The following ATG4C variants were observed in gnomAD, a reference collection of about 807,000 sequenced individuals.
ATG4C encodes the protein cysteine protease ATG4C.
In ATG4C, 56 loss-of-function variants were observed where a neutral mutation model predicts 57.6. That is an observed-to-expected ratio of 0.97 (90% CI 0.78 to 1.21). The LOEUF (loss-of-function observed/expected upper bound fraction) is 1.21, where lower values mean the gene tolerates loss of function less well. ATG4C is among the 50% of genes most tolerant of loss of function. The pLI, the probability that ATG4C is intolerant of heterozygous loss-of-function variation, is 0.00. For missense variants in ATG4C, 595 were observed against 529.8 expected (o/e 1.12, Z -1.21); for synonymous variants, 157 against 174.1 (o/e 0.90, Z 0.78).
chr1:62,784,686 C>G (rs909091641), intron 1 of ATG4C, among the ~76,000 whole-genome samples: 1 of 152,194 alleles, frequency 6.6e-6, no homozygotes, highest in African/African-American at 2.4e-5. Context: ...CACTGTCTCT[C>G]TGTTCTCATT....
At chr1:62,821,432 C>T (rs1665479548) in intron 6 of ATG4C, among the ~76,000 whole-genome samples, 1 of 152,028 alleles carries the variant, frequency 6.6e-6, no homozygotes, top group East Asian at 1.9e-4. Flanking sequence ...AGAATTTCAG[C>T]ATTTCAAATA....
Position 62,819,152 on chromosome 1 carries a change from C to A in ATG4C, c.542C>A (p.Thr181Lys). ...ACCCCAACAATTTCTCTGAAGGAAA[C>A]AATTGGGAAATATTCTGATGATCAT... ...FKTPTISLKE[T>K]IGKYSDDHEM... The change falls in exon 5 of 11, where the codon ACA becomes AAA. Residue 181 changes from threonine to lysine, a missense_variant. Coordinates refer to ENST00000317868, the MANE Select transcript of ATG4C (RefSeq NM_032852.4). 6.2e-7 allele frequency: 1 copy of A among 1,613,192 alleles called. No homozygotes were observed. The highest frequency in any genetic ancestry group is 1.3e-5 in the African/African-American group (1 of 74,994).
chr1:62,825,263 C>T lies in ATG4C; in HGVS notation c.797-3777C>T, dbSNP rs1339785119. On this transcript the variant is annotated intron_variant, in intron 6 of 10. Coordinates refer to ENST00000317868, the MANE Select transcript of ATG4C (RefSeq NM_032852.4). ...AAAAAAAAAAAAAAAAAGCATGAGCCGTTGTGCCCACCCCAAAACTGCTCT... is the reference window on the plus strand; with the variant it reads ...AAAAAAAAAAAAAAAAAGCATGAGCTGTTGTGCCCACCCCAAAACTGCTCT... 4.7e-5 allele frequency among the ~76,000 whole-genome samples: 7 copies of T among 150,240 alleles called. No individual in the cohort carries two copies. The East Asian group carries it at 7.9e-4, about 17-fold the overall frequency.
At chr1:62,854,275 TTTTC>T (rs770537543) in intron 10 of ATG4C, among the ~76,000 whole-genome samples, 9 of 151,096 alleles carry the variant, frequency 6.0e-5, no homozygotes, top group Non-Finnish European at 1.3e-4. Context: ...TCTTTTCTCT[TTTTC>T]TTTCTTTTTT....
chr1:62,838,545 A>G (rs903284484), intron 9 of ATG4C, among the ~76,000 whole-genome samples: 1 of 152,176 alleles, frequency 6.6e-6, no homozygotes, highest in African/African-American at 2.4e-5. Flanking sequence ...TGGGAGGCCA[A>G]GGCAGGTGGA....
At chr1:62,819,600 A>G (rs951867288) in intron 5 of ATG4C, among the ~76,000 whole-genome samples, 2 of 152,026 alleles carry the variant, frequency 1.3e-5, no homozygotes, top group Non-Finnish European at 2.9e-5. Context: ...TTTCATTAGA[A>G]TACCTTACTG....
At chr1:62,852,209 A>G (rs1666538630) in intron 10 of ATG4C, among the ~76,000 whole-genome samples, 1 of 152,162 alleles carries the variant, frequency 6.6e-6, no homozygotes, top group South Asian at 2.1e-4. Context: ...TACACACACC[A>G]TTATTCTCCC....
intron 1 of ATG4C, among the ~76,000 whole-genome samples, chr1:62,798,892 C>T (rs554147731): frequency 6.6e-6 from 1 of 152,272 alleles, no homozygotes; most frequent in South Asian, 2.1e-4. Flanking sequence ...ATCCACCCAC[C>T]TTGGCCTCCT....
chr1:62,863,870 G>A lies in ATG4C; in HGVS notation c.1210-122G>A, dbSNP rs145517409. 2.6e-4 allele frequency: 173 copies of A among 654,834 alleles called. No homozygotes were observed. In the East Asian group the frequency reaches 4.7e-3, roughly 18 times the overall value. 40.6% of individuals were successfully genotyped at this position (654,834 alleles called of 1,614,324 possible). On this transcript the variant is annotated intron_variant, in intron 10 of 10. Coordinates refer to ENST00000317868, the MANE Select transcript of ATG4C (RefSeq NM_032852.4). Reference sequence around the variant, plus strand: ...CCAGAACAGGCAAAGGAGTAGCACTGGGTGAATGTAAATGAAAGAAGCTAA... The same window carrying A: ...CCAGAACAGGCAAAGGAGTAGCACTAGGTGAATGTAAATGAAAGAAGCTAA...
chr1:62,826,239 AT>A (rs34163191), intron 6 of ATG4C, among the ~76,000 whole-genome samples: 134,002 of 135,642 alleles, frequency 0.99, 66,185 homozygotes, highest in East Asian at 1. Context: ...ACCATTCCCT[AT>A]TTTTTTTTTT....
intron 9 of ATG4C, among the ~76,000 whole-genome samples, chr1:62,835,868 A>G (rs1342811522): frequency 6.6e-6 from 1 of 152,058 alleles, no homozygotes; most frequent in African/African-American, 2.4e-5. Context: ...TAATTGTGCC[A>G]TGTGAACTAC....
chr1:62,815,822 C>A (rs904672966), intron 3 of ATG4C, among the ~76,000 whole-genome samples: 1 of 152,284 alleles, frequency 6.6e-6, no homozygotes, highest in Non-Finnish European at 1.5e-5. Flanking sequence ...GTAGCTGGGA[C>A]TACAGGTGCC....
At chr1:62,804,089 C>CTTT (rs71692941) in intron 2 of ATG4C, among the ~76,000 whole-genome samples, 1 of 140,552 alleles carries the variant, frequency 7.1e-6, no homozygotes, top group Non-Finnish European at 1.5e-5. Context: ...CTCCTTTTTT[C>CTTT]TTTTTTTTTT....
chr1:62,837,268 T>C (rs935510059), intron 9 of ATG4C, among the ~76,000 whole-genome samples: 11 of 152,226 alleles, frequency 7.2e-5, no homozygotes, highest in African/African-American at 2.7e-4. Context: ...TTTTAACACA[T>C]TGTGAAGTGA....
intron 1 of ATG4C, among the ~76,000 whole-genome samples, chr1:62,790,542 A>AT (rs1664242007): frequency 1.3e-5 from 2 of 152,124 alleles, no homozygotes; most frequent in African/African-American, 2.4e-5. Flanking sequence ...TATTTGAATT[A>AT]TTTTTTCTGT....
At chr1:62,809,002 G>A (rs568746790) in intron 3 of ATG4C, among the ~76,000 whole-genome samples, 198 of 152,124 alleles carry the variant, frequency 1.3e-3, no homozygotes, top group African/African-American at 4.5e-3. Context: ...TCCCAATCAC[G>A]GCTCACTGCA....
chr1:62,843,102 G>C lies in ATG4C; in HGVS notation c.1209+1555G>C, dbSNP rs181978680. Among the ~76,000 whole-genome samples the C allele has an allele frequency of 2.8e-3, 429 of 151,742 alleles. 2 individuals carry two copies. The highest frequency in any genetic ancestry group is 4.9e-3 in the Admixed American group (74 of 15,252). ...AAATAAATATGTTTAAAACAGTAAA[G>C]CAGTTTACTCCTGGAATAGAAACAA... is the stretch of plus-strand genomic sequence containing the variant. On this transcript the variant is annotated intron_variant, in intron 10 of 10. Transcript: ENST00000317868.
chr1:62,808,348 G>A (rs552748382), intron 3 of ATG4C, among the ~76,000 whole-genome samples: 1 of 152,288 alleles, frequency 6.6e-6, no homozygotes, highest in South Asian at 2.1e-4. Context: ...TACACTAGAG[G>A]AAGCCTGAAT....
chr1:62,794,815 A>G (rs1286353326), intron 1 of ATG4C, among the ~76,000 whole-genome samples: 4 of 152,006 alleles, frequency 2.6e-5, no homozygotes, highest in East Asian at 1.9e-4. Context: ...AATGGACACA[A>G]TAATTGATGT....
Sources: gnomAD v4.1 joint callset for allele counts (sites outside exome capture counted in the v4.1 genomes callset) on GRCh38, gnomAD v4.1.1 for gene constraint, MANE v1.5 for transcripts, NCBI Gene and HGNC (gene_info 2026-07-23, HGNC 2026-07-21) for gene names.